PIN4: variants seen among roughly 807,000 people sequenced by gnomAD.
PIN4 encodes peptidylprolyl cis/trans isomerase, NIMA-interacting 4.
Under a neutral mutation model 8.3 loss-of-function variants are expected in PIN4, and 3 were observed. That is an observed-to-expected ratio of 0.36 (90% CI 0.16 to 0.93). PIN4 has a LOEUF of 0.93. PIN4 is among the 40% of genes least tolerant of loss of function. The pLI is 0.44. For synonymous variants in PIN4, 18 were observed against 32.5 expected, an observed-to-expected ratio of 0.55 and a Z score of 1.52; for missense variants, 75 against 100.6, an observed-to-expected ratio of 0.75 and a Z score of 1.09.
At chrX:72,206,541 C>T in intron 3 of PIN4, 1 of 1,211,575 alleles carries the variant, frequency 8.3e-7, no homozygotes, top group Admixed American at 2.2e-5. Flanking sequence ...TAGGGCATTT[C>T]TTCTTTGTTG....
intron 3 of PIN4, among the ~76,000 whole-genome samples, chrX:72,251,073 G>A (rs1312814302): frequency 9.4e-6 from 1 of 105,932 alleles, no homozygotes; most frequent in African/African-American, 3.4e-5. Flanking sequence ...ATATGTGTGA[G>A]TGGGCCGGGT....
At chrX:72,254,774 T>C (rs902393773) in intron 3 of PIN4, among the ~76,000 whole-genome samples, 2 of 112,838 alleles carry the variant, frequency 1.8e-5, no homozygotes, top group Non-Finnish European at 3.7e-5. Context: ...CCTGTGTCAT[T>C]GCAGGCAATA....
At chrX:72,208,281 T>C in intron 3 of PIN4, 1 of 1,211,975 alleles carries the variant, frequency 8.3e-7, no homozygotes, top group Non-Finnish European at 1.1e-6. Context: ...TGATGAATTC[T>C]TTTACCCATG....
intron 1 of PIN4, among the ~76,000 whole-genome samples, chrX:72,182,537 CTG>C (rs1438016483): frequency 9.3e-6 from 1 of 107,881 alleles, no homozygotes; most frequent in African/African-American, 3.4e-5. Context: ...GAGCGAGCCT[CTG>C]TCTCAAAAAA....
chrX:72,230,867 A>G (rs1341519206), intron 3 of PIN4, among the ~76,000 whole-genome samples: 1 of 111,634 alleles, frequency 9.0e-6, no homozygotes, highest in Non-Finnish European at 1.9e-5. Flanking sequence ...TGGGGGGCTG[A>G]GGTGGGAGGA....
At chrX:72,198,415 T>A, downstream of PIN4, 1 of 544,203 alleles carries the variant, frequency 1.8e-6, no homozygotes, top group Non-Finnish European at 2.2e-6. Context: ...TATACCCACT[T>A]ATATAATGGG....
At chrX:72,227,102 C>T (rs779949264) in intron 3 of PIN4, among the ~76,000 whole-genome samples, 2 of 112,022 alleles carry the variant, frequency 1.8e-5, no homozygotes, top group Non-Finnish European at 3.8e-5. Flanking sequence ...CATATGCCCC[C>T]AGTTAAAAAG....
chrX:72,224,046 G>A (rs761117155), intron 3 of PIN4, among the ~76,000 whole-genome samples: 5 of 111,256 alleles, frequency 4.5e-5, no homozygotes, highest in East Asian at 2.8e-4. Flanking sequence ...TACTGACAAC[G>A]GAAGACTGAG....
At chrX:72,260,295 C>T (rs1224180138) in intron 3 of PIN4, among the ~76,000 whole-genome samples, 2 of 112,174 alleles carry the variant, frequency 1.8e-5, no homozygotes, top group African/African-American at 3.2e-5. Context: ...ATAAATGAGA[C>T]GTTTGAATCA....
chrX:72,240,498 C>T (rs772729112), intron 3 of PIN4, among the ~76,000 whole-genome samples: 12 of 111,538 alleles, frequency 1.1e-4, no homozygotes, highest in Admixed American at 1.9e-4. Context: ...ATTTATAGAC[C>T]GTTATGAGTT....
chrX:72,222,264 T>G (rs1408480439), intron 3 of PIN4, among the ~76,000 whole-genome samples: 1 of 112,235 alleles, frequency 8.9e-6, no homozygotes, highest in Non-Finnish European at 1.9e-5. Context: ...AGGGAATTCC[T>G]GCACGTAACC....
intron 3 of PIN4, among the ~76,000 whole-genome samples, chrX:72,226,743 C>T (rs1323933390): frequency 1.8e-5 from 2 of 111,482 alleles, no homozygotes; most frequent in Non-Finnish European, 3.8e-5. Flanking sequence ...TACAACATAT[C>T]CCCTCCTTTT....
intron 3 of PIN4, among the ~76,000 whole-genome samples, chrX:72,239,555 G>A (rs932010583): frequency 2.7e-5 from 3 of 111,527 alleles, no homozygotes; most frequent in Non-Finnish European, 5.7e-5. Flanking sequence ...CGGATCACGT[G>A]AGGTCAGGAG....
intron 3 of PIN4, among the ~76,000 whole-genome samples, chrX:72,262,344 C>T (rs1444705239): frequency 8.9e-6 from 1 of 112,236 alleles, no homozygotes; most frequent in South Asian, 3.7e-4. Flanking sequence ...TCTGAGGCCC[C>T]GAGCCAAACC....
intron 3 of PIN4, among the ~76,000 whole-genome samples, chrX:72,220,050 G>T (rs1426711623): frequency 9.0e-6 from 1 of 110,718 alleles, no homozygotes. Flanking sequence ...TTCCTAGTTT[G>T]TTGAGTGTTT....
At chrX:72,246,555 G>A (rs774893327) in intron 3 of PIN4, among the ~76,000 whole-genome samples, 1 of 111,543 alleles carries the variant, frequency 9.0e-6, no homozygotes, top group East Asian at 2.8e-4. Flanking sequence ...GGCTTACAAG[G>A]CCTTCCTGAT....
At chrX:72,192,299 C>G (rs907155264) in intron 2 of PIN4, among the ~76,000 whole-genome samples, 1 of 111,696 alleles carries the variant, frequency 9.0e-6, no homozygotes, top group African/African-American at 3.3e-5. Context: ...CTAGCCAGAG[C>G]CCTTTCTCCT....
intron 2 of PIN4, among the ~76,000 whole-genome samples, chrX:72,192,587 T>G (rs1205949372): frequency 1.8e-5 from 2 of 110,935 alleles, no homozygotes; most frequent in East Asian, 5.6e-4. Context: ...TATGCTTTTT[T>G]CTTTTTTCTT....
At chrX:72,183,936 G>A (rs2042686043) in intron 1 of PIN4, among the ~76,000 whole-genome samples, 1 of 111,144 alleles carries the variant, frequency 9.0e-6, no homozygotes, top group African/African-American at 3.3e-5. Context: ...TGAGGAGAGT[G>A]GTAAAGGTCT....
Sources: gnomAD v4.1 joint callset for allele counts (sites outside exome capture counted in the v4.1 genomes callset) on GRCh38, gnomAD v4.1.1 for gene constraint, MANE v1.5 for transcripts, NCBI Gene and HGNC (gene_info 2026-07-23, HGNC 2026-07-21) for gene names.